PLA2G5: variants seen among roughly 807,000 people sequenced by gnomAD.
PLA2G5 encodes the protein phospholipase A2 group V.
Under a neutral mutation model 15.9 loss-of-function variants are expected in PLA2G5, and 12 were observed. The ratio of observed to expected loss-of-function variants is 0.76; its 90% CI spans 0.48 to 1.23. The LOEUF (loss-of-function observed/expected upper bound fraction) is 1.23, where lower values mean the gene tolerates loss of function less well. Among genes scored for constraint, PLA2G5 ranks in the 50% most tolerant of loss-of-function variants. The probability of loss-of-function intolerance (pLI) is 0.00; values close to 1 mark genes in which losing one functional copy is unlikely to be tolerated. For synonymous variants in PLA2G5, 71 were observed against 71.4 expected (o/e 0.99, Z 0.03); for missense variants, 169 against 177.1 (o/e 0.95, Z 0.26).
At chr1:20,086,927 G>A (rs149512614) in intron 3 of PLA2G5, among the ~76,000 whole-genome samples, 1 of 152,332 alleles carries the variant, frequency 6.6e-6, no homozygotes, top group East Asian at 1.9e-4. Context: ...TAACAATTCT[G>A]ATACTGCTAG....
intron 1 of PLA2G5, among the ~76,000 whole-genome samples, chr1:20,073,686 C>G (rs968426080): frequency 3.9e-5 from 6 of 152,046 alleles, no homozygotes; most frequent in Admixed American, 6.6e-5. Flanking sequence ...AGTTCGAGAC[C>G]AGCCTGGCCA....
chr1:20,029,165 C>T (rs2012741219), intron 1 of PLA2G5, among the ~76,000 whole-genome samples: 2 of 152,162 alleles, frequency 1.3e-5, no homozygotes, highest in Admixed American at 1.3e-4. Context: ...TAGCTCTCAG[C>T]AGATGTGGAA....
intron 1 of PLA2G5, among the ~76,000 whole-genome samples, chr1:20,079,426 G>A (rs1222813130): frequency 6.6e-6 from 1 of 152,206 alleles, no homozygotes; most frequent in Admixed American, 6.5e-5. Context: ...ACTTGGAGCT[G>A]ATATAGAGCC....
chr1:20,072,890 A>G (rs1386575266), intron 1 of PLA2G5, among the ~76,000 whole-genome samples: 2 of 152,228 alleles, frequency 1.3e-5, no homozygotes, highest in Non-Finnish European at 2.9e-5. Context: ...ACACTGGGTT[A>G]GAAACTTTTC....
intron 1 of PLA2G5, among the ~76,000 whole-genome samples, chr1:20,050,635 T>C (rs561422866): frequency 6.6e-6 from 1 of 152,308 alleles, no homozygotes; most frequent in Admixed American, 6.5e-5. Flanking sequence ...ACAAATTTAA[T>C]TGGCTTCATG....
intron 2 of PLA2G5, among the ~76,000 whole-genome samples, chr1:20,061,871 C>G (rs1364933750): frequency 2.6e-5 from 4 of 152,242 alleles, no homozygotes; most frequent in Admixed American, 2.0e-4. Context: ...TAGAGGCTAA[C>G]ACAGTTCGGA....
chr1:20,090,487 G>T (rs2016513965), intron 4 of PLA2G5, 81 bp from the exon 5 acceptor site: 2 of 1,457,332 alleles, frequency 1.4e-6, no homozygotes, highest in Non-Finnish European at 9.6e-7. Flanking sequence ...AAGCTCCTCG[G>T]AGCAGGAAGT....
chr1:20,081,552 G>C (rs987206463), intron 1 of PLA2G5, among the ~76,000 whole-genome samples: 2 of 151,820 alleles, frequency 1.3e-5, no homozygotes, highest in African/African-American at 4.9e-5. Flanking sequence ...GGCTGGTGGG[G>C]CAGGGGACAC....
At position 20,084,881 on chromosome 1, in the gene PLA2G5, G is replaced by A. The variant is rs760252436; in HGVS notation, c.40+11G>A. The A allele has an allele frequency of 7.5e-6, 12 of 1,594,760 alleles. 1 individual carries two copies. In the South Asian group the frequency reaches 1.3e-4, roughly 18 times the overall value. ...GGTTCCTGGCTTGTAGTAAGTGCTG[G>A]CCCCGTGACCTTCGAATGAACTTTT... On this transcript the variant is annotated intron_variant, in intron 2 of 4. Transcript: ENST00000375108.
intron 2 of PLA2G5, among the ~76,000 whole-genome samples, chr1:20,060,831 C>T (rs187236914): frequency 6.6e-6 from 1 of 151,938 alleles, no homozygotes; most frequent in Non-Finnish European, 1.5e-5. Context: ...GATTCTCCTG[C>T]CTCAGACCCC....
At chr1:20,046,837 A>T (rs1318733995) in intron 1 of PLA2G5, among the ~76,000 whole-genome samples, 3 of 152,170 alleles carry the variant, frequency 2.0e-5, no homozygotes, top group Non-Finnish European at 4.4e-5. Context: ...TCTCCTAGGA[A>T]GTTGTTGTTT....
chr1:20,090,839 T>C lies in PLA2G5; in HGVS notation c.*147T>C. 1.3e-6 allele frequency: 1 copy of C among 781,350 alleles called. No homozygotes were observed. The highest frequency in any genetic ancestry group is 2.1e-6 in the Non-Finnish European group (1 of 473,522). The allele number at this position is 781,350 out of a possible 1,614,324, so 48.4% of individuals were successfully genotyped here. ...GCTTGGCGGACCCCCAGGGCCACACTGTACCCTCCAGCGAGTCCCAGGAGA... is the reference window on the plus strand; with the variant it reads ...GCTTGGCGGACCCCCAGGGCCACACCGTACCCTCCAGCGAGTCCCAGGAGA... On this transcript the variant is annotated 3_prime_UTR_variant, in exon 5 of 5. Transcript: ENST00000375108.
chr1:20,090,636 A>G lies in PLA2G5; in HGVS notation c.361A>G (p.Asn121Asp), dbSNP rs781232156. The change falls in exon 5 of 5, where the codon AAC (asparagine) becomes GAC (aspartate). Residue 121 changes from asparagine (N) to aspartate (D), a missense_variant. Asn to Asp is a conservative substitution (Grantham distance 23). Coordinates refer to ENST00000375108, the MANE Select transcript of PLA2G5 (RefSeq NM_000929.3). ...DRKLVYCLKR[N>D]LRSYNPQYQY... ...GAAGCTCGTCTACTGCCTCAAGAGA[A>G]ACCTACGGAGCTACAACCCACAGTA... 6.2e-7 allele frequency: 1 copy of G among 1,613,888 alleles called. No homozygotes were observed. The highest frequency in any genetic ancestry group is 8.5e-7 in the Non-Finnish European group (1 of 1,179,932).
At chr1:20,078,540 C>T (rs2015822959) in intron 1 of PLA2G5, among the ~76,000 whole-genome samples, 1 of 152,140 alleles carries the variant, frequency 6.6e-6, no homozygotes, top group Non-Finnish European at 1.5e-5. Context: ...TCTGTCTTCA[C>T]GATCTGTTTC....
chr1:20,071,661 G>A (rs963901569), intron 1 of PLA2G5, among the ~76,000 whole-genome samples: 3 of 152,122 alleles, frequency 2.0e-5, no homozygotes, highest in Admixed American at 6.5e-5. Context: ...GTGTTTCCCA[G>A]CTCACAGGTG....
intron 1 of PLA2G5, among the ~76,000 whole-genome samples, chr1:20,032,303 G>T (rs1472645258): frequency 6.6e-6 from 1 of 152,070 alleles, no homozygotes; most frequent in Non-Finnish European, 1.5e-5. Flanking sequence ...GAGTCCAAAT[G>T]GGAGGATAAT....
chr1:20,028,510 T>C (rs1051403446), exon 1 of PLA2G5: 3 of 140,798 alleles, frequency 2.1e-5, no homozygotes, highest in Non-Finnish European at 4.9e-5. Flanking sequence ...GCGTTGTTGA[T>C]TATCTGGCTG....
At chr1:20,046,585 C>G (rs1426396092) in intron 1 of PLA2G5, among the ~76,000 whole-genome samples, 1 of 152,152 alleles carries the variant, frequency 6.6e-6, no homozygotes, top group Non-Finnish European at 1.5e-5. Context: ...CACCAATCAC[C>G]CCTTTTGGGA....
At chr1:20,030,738 C>T (rs551927486) in intron 1 of PLA2G5, among the ~76,000 whole-genome samples, 1 of 152,210 alleles carries the variant, frequency 6.6e-6, no homozygotes, top group South Asian at 2.1e-4. Context: ...TGCACTGTGT[C>T]CCTGGGTACT....
Sources: gnomAD v4.1 joint callset for allele counts (sites outside exome capture counted in the v4.1 genomes callset) on GRCh38, gnomAD v4.1.1 for gene constraint, MANE v1.5 for transcripts, NCBI Gene and HGNC (gene_info 2026-07-23, HGNC 2026-07-21) for gene names.